The following VWA8 variants were observed in gnomAD, a reference collection of about 807,000 sequenced individuals.
VWA8 encodes the protein von Willebrand factor A domain containing 8, also known as von Willebrand factor A domain-containing protein 8.
VWA8 carries 221 observed loss-of-function variants against 241.5 expected under a neutral mutation model. The ratio of observed to expected loss-of-function variants is 0.91; its 90% CI spans 0.82 to 1.02. The LOEUF (loss-of-function observed/expected upper bound fraction) is 1.02, where lower values mean the gene tolerates loss of function less well. Among genes scored for constraint, VWA8 ranks in the 50% least tolerant of loss-of-function variants. The pLI, the probability that VWA8 is intolerant of heterozygous loss-of-function variation, is 0.00. For synonymous variants in VWA8, 852 were observed against 827.1 expected (o/e 1.03, Z -0.52); for missense variants, 2,322 against 2,328.7 (o/e 1.00, Z 0.06).
intron 37 of VWA8, among the ~76,000 whole-genome samples, chr13:41,621,145 C>G (rs992548858): frequency 1.3e-5 from 2 of 152,124 alleles, no homozygotes; most frequent in African/African-American, 4.8e-5. Flanking sequence ...TTCAATTACC[C>G]ATACAACTAT....
chr13:41,822,625 T>C (rs1019176420), intron 14 of VWA8, among the ~76,000 whole-genome samples: 6 of 152,218 alleles, frequency 3.9e-5, no homozygotes, highest in Non-Finnish European at 5.9e-5. Flanking sequence ...ACTGAACTTA[T>C]GGTGTCCCAG....
chr13:41,689,662 A>T (rs2045162440), intron 33 of VWA8, among the ~76,000 whole-genome samples, 154 bp from the exon 34 acceptor site: 3 of 152,136 alleles, frequency 2.0e-5, no homozygotes, highest in Admixed American at 1.3e-4. Flanking sequence ...GTTTGAAAAA[A>T]TGCTGTTTTT....
chr13:41,926,216 C>G (rs141023354), intron 2 of VWA8: 7,985 of 696,078 alleles, frequency 0.011, 96 homozygotes, highest in Middle Eastern at 0.037. Flanking sequence ...TGCTGTCTCC[C>G]CACATGCATA....
At chr13:41,690,873 T>A (rs1474223397) in intron 32 of VWA8, among the ~76,000 whole-genome samples, 1 of 151,962 alleles carries the variant, frequency 6.6e-6, no homozygotes, top group African/African-American at 2.4e-5. Context: ...AACATAAACA[T>A]AAACATAACC....
intron 26 of VWA8, among the ~76,000 whole-genome samples, chr13:41,703,673 C>T (rs2045264812): frequency 6.6e-6 from 1 of 152,084 alleles, no homozygotes; most frequent in Non-Finnish European, 1.5e-5. Context: ...AATTGATTTA[C>T]ATACATACTC....
At chr13:41,835,537 G>T (rs921079079) in intron 12 of VWA8, among the ~76,000 whole-genome samples, 1 of 152,114 alleles carries the variant, frequency 6.6e-6, no homozygotes, top group East Asian at 1.9e-4. Context: ...CGTGTTTACT[G>T]AGACAGTCAC....
At chr13:41,907,740 T>A in intron 3 of VWA8, 44 bp from the exon 4 acceptor site, 1 of 1,544,436 alleles carries the variant, frequency 6.5e-7, no homozygotes, top group South Asian at 1.1e-5. Flanking sequence ...AAAATCAAAT[T>A]TCCAGCATAT....
At chr13:41,604,802 A>C (rs2044542783) in intron 40 of VWA8, among the ~76,000 whole-genome samples, 1 of 152,164 alleles carries the variant, frequency 6.6e-6, no homozygotes, top group African/African-American at 2.4e-5. Flanking sequence ...ACAGAGCACA[A>C]TTTCTAATTT....
chr13:41,720,793 A>G (rs963859096), intron 25 of VWA8, among the ~76,000 whole-genome samples: 5 of 152,108 alleles, frequency 3.3e-5, no homozygotes, highest in Admixed American at 2.6e-4. Flanking sequence ...TGTGACTGTT[A>G]GCTTGGAGAC....
chr13:41,774,873 CAG>C (rs1868516735), intron 20 of VWA8, among the ~76,000 whole-genome samples: 3 of 152,150 alleles, frequency 2.0e-5, no homozygotes, highest in South Asian at 2.1e-4. Flanking sequence ...TCAACTATCA[CAG>C]AGAGTTAAAA....
chr13:41,736,687 G>C (rs1253643593), intron 21 of VWA8, among the ~76,000 whole-genome samples: 1 of 151,978 alleles, frequency 6.6e-6, no homozygotes, highest in Non-Finnish European at 1.5e-5. Flanking sequence ...AGTTTCATAA[G>C]AGCTGATGAA....
intron 21 of VWA8, among the ~76,000 whole-genome samples, chr13:41,739,014 T>C (rs1336699016): frequency 6.6e-6 from 1 of 152,150 alleles, no homozygotes; most frequent in Non-Finnish European, 1.5e-5. Context: ...GAGACAAAAT[T>C]AGTGAGTGAC....
chr13:41,577,361 G>GA (rs35699647), intron 42 of VWA8, among the ~76,000 whole-genome samples: 5 of 151,352 alleles, frequency 3.3e-5, no homozygotes, highest in African/African-American at 4.9e-5. Context: ...TTCCATATAA[G>GA]AAAAAAAAAT....
intron 26 of VWA8, among the ~76,000 whole-genome samples, chr13:41,719,009 A>G (rs1309027037): frequency 1.3e-5 from 2 of 151,918 alleles, no homozygotes; most frequent in Non-Finnish European, 2.9e-5. Flanking sequence ...TCTGATCAAC[A>G]CCATATGTGC....
intron 21 of VWA8, among the ~76,000 whole-genome samples, chr13:41,747,507 A>G (rs2045617599): frequency 6.6e-6 from 1 of 152,180 alleles, no homozygotes. Context: ...GGCTGAGACA[A>G]TGGGGTTTTC....
At chr13:41,708,152 G>C (rs2137834322) in intron 26 of VWA8, among the ~76,000 whole-genome samples, 1 of 152,184 alleles carries the variant, frequency 6.6e-6, no homozygotes, top group African/African-American at 2.4e-5. Context: ...GAGGTCGGGA[G>C]TTCGAGACCA....
chr13:41,593,864 T>A (rs1649636478), intron 40 of VWA8, among the ~76,000 whole-genome samples: 2 of 152,198 alleles, frequency 1.3e-5, no homozygotes, highest in Non-Finnish European at 1.5e-5. Flanking sequence ...GGCATGGAAC[T>A]TGGATTCTTG....
intron 12 of VWA8, among the ~76,000 whole-genome samples, chr13:41,850,001 T>G (rs183734420): frequency 1.2e-4 from 19 of 152,198 alleles, no homozygotes; most frequent in African/African-American, 4.3e-4. Context: ...TGTCCTTATG[T>G]CTGGAGTTAC....
intron 1 of VWA8, among the ~76,000 whole-genome samples, chr13:41,959,913 G>T (rs1300589436): frequency 2.0e-5 from 3 of 152,120 alleles, no homozygotes; most frequent in Non-Finnish European, 4.4e-5. Flanking sequence ...CGGCCCATAT[G>T]CTCATTTCTT....
Sources: allele counts gnomAD v4.1 joint callset (sites outside exome capture counted in the v4.1 genomes callset), GRCh38; gene constraint gnomAD v4.1.1; transcripts MANE v1.5; gene names NCBI Gene and HGNC (gene_info 2026-07-23, HGNC 2026-07-21).